RBM44: variants seen among roughly 807,000 people sequenced by gnomAD.
RBM44 encodes the protein RNA-binding protein 44.
A neutral mutation model predicts 105.1 loss-of-function variants in RBM44; 66 were observed. The observed-to-expected ratio is 0.63, with a 90% confidence interval of 0.52 to 0.77. The LOEUF is 0.77. RBM44 is among the 30% of genes least tolerant of loss of function. The pLI is 0.00. For synonymous variants in RBM44, 365 were observed against 417.6 expected (o/e 0.87, Z 1.54); for missense variants, 1,122 against 1,207.8 (o/e 0.93, Z 1.05).
At chr2:237,808,489 A>G (rs1343124225) in intron 1 of RBM44, among the ~76,000 whole-genome samples, 2 of 151,976 alleles carry the variant, frequency 1.3e-5, no homozygotes, top group Non-Finnish European at 2.9e-5. Flanking sequence ...CAGAAAAAAA[A>G]AAAAACTAGG....
intron 1 of RBM44, among the ~76,000 whole-genome samples, chr2:237,809,290 G>GT (rs1244073249): frequency 1.3e-5 from 2 of 151,888 alleles, no homozygotes; most frequent in African/African-American, 4.8e-5. Flanking sequence ...TTACCTCTTT[G>GT]TTTGCAATAA....
At position 237,821,134 on chromosome 2, in the gene RBM44, C is replaced by G. The variant is rs2061783266; in HGVS notation, c.1977C>G (p.Asp659Glu). 1 of 1,611,078 alleles carries G rather than the reference C, an allele frequency of 6.2e-7. No homozygotes were observed. The highest frequency in any genetic ancestry group is 1.1e-5 in the South Asian group (1 of 90,612). The change falls in exon 6 of 16, where the codon GAC becomes GAG. Residue 659 changes from aspartate to glutamate, a missense_variant. Transcript: ENST00000316997. Reference protein sequence around the residue: ...LGSALLSLLGDLKVRYVTLKE... With the variant: ...LGSALLSLLGELKVRYVTLKE... ...CAGCACTACTGTCTCTTTTGGGGGACTTAAAAGTTAGATATGTGACTTTGA... is the reference window on the plus strand; with the variant it reads ...CAGCACTACTGTCTCTTTTGGGGGAGTTAAAAGTTAGATATGTGACTTTGA...
At position 237,803,532 on chromosome 2, in the gene RBM44, C is replaced by T. The variant is rs11676396; in HGVS notation, c.-19+4671C>T. On this transcript the variant is annotated intron_variant, in intron 1 of 15. Transcript: ENST00000316997. The surrounding 1 kb of genome is among the most constrained non-coding windows in gnomAD (Gnocchi z 4.2). ...ATTTATGTAATCTGAATAAGCGTCTCCTTTTGGATATATGGATTGTGAATA... is the reference window on the plus strand; with the variant it reads ...ATTTATGTAATCTGAATAAGCGTCTTCTTTTGGATATATGGATTGTGAATA... 0.21 allele frequency among the ~76,000 whole-genome samples: 32,651 copies of T among 152,016 alleles called. 4,548 individuals are homozygous for T. The highest frequency in any genetic ancestry group is 0.4 in the African/African-American group (16,701 of 41,404).
At chr2:237,801,460 G>C (rs1349452238) in intron 1 of RBM44, among the ~76,000 whole-genome samples, 1 of 152,130 alleles carries the variant, frequency 6.6e-6, no homozygotes, top group African/African-American at 2.4e-5. Flanking sequence ...AAGTAGCTGG[G>C]AACACAGGCT....
At position 237,834,033 on chromosome 2, in the gene RBM44, A is replaced by G; in HGVS notation, c.2923A>G (p.Lys975Glu). 6.4e-7 allele frequency: 1 copy of G among 1,564,474 alleles called. No homozygotes were observed. Among genetic ancestry groups the G allele is most frequent in the Admixed American group, 1.9e-5 (1 of 53,306 alleles). Residue 975 changes from lysine (K) to glutamate (E), a missense_variant, in exon 14 of 16, where the codon AAA becomes GAA. By Grantham distance (56) the Lys-to-Glu change is moderately conservative. Around this residue, in one of 3 missense-constraint regions of RBM44, gnomAD observed 194 missense variants for 225.5 expected, o/e 0.86. Coordinates refer to ENST00000316997, the MANE Select transcript of RBM44 (RefSeq NM_001080504.3). ...KKNCKQIESAKLLPDTPVQFI... is the reference protein window; with the variant it reads ...KKNCKQIESAELLPDTPVQFI... ...GAATTGTAAGCAGATTGAATCTGCT[A>G]AATTATTACCTGATACACCCGTTCA...
chr2:237,804,269 A>G (rs1480362608), intron 1 of RBM44, among the ~76,000 whole-genome samples: 3 of 152,332 alleles, frequency 2.0e-5, no homozygotes, highest in East Asian at 3.9e-4. Flanking sequence ...GTACAAGTGC[A>G]TGTGTCTTTT....
Position 237,818,724 on chromosome 2 carries a change from A to G in RBM44, c.1677+128A>G, listed in dbSNP as rs2061750382. On this transcript the variant is annotated intron_variant, in intron 3 of 15. Coordinates refer to ENST00000316997, the MANE Select transcript of RBM44 (RefSeq NM_001080504.3). This position sits in a 1 kb window ranked among gnomAD's most constrained non-coding sequence, Gnocchi z 4.6. ...ATGCTAGATGAGGGGAGTAAATTAA[A>G]AAGGGAGTAAATTAAAAAGTAAATT... 4.3e-6 allele frequency: 3 copies of G among 703,994 alleles called. No homozygotes were observed. Among genetic ancestry groups the G allele is most frequent in the Non-Finnish European group, 6.8e-6 (3 of 440,498 alleles). The allele number at this position is 703,994 out of a possible 1,614,324, so 43.6% of individuals were successfully genotyped here.
At position 237,818,253 on chromosome 2, in the gene RBM44, A is replaced by G. The variant is rs373510955; in HGVS notation, c.1334A>G (p.Asn445Ser). Residue 445 changes from asparagine (N) to serine (S), a missense_variant, in exon 3 of 16, where the codon AAT becomes AGT. Physicochemically the swap from Asn to Ser is conservative, Grantham distance 46 (BLOSUM62 1). Transcript: ENST00000316997. The surrounding 1 kb of genome is among the most constrained non-coding windows in gnomAD (Gnocchi z 4.6). ...ACCACAAAGAAAACATGCTTTCACA[A>G]TATAGGAGAAATGTGTACTAAATCA... ...SSTTKKTCFH[N>S]IGEMCTKSLT... is the part of the protein sequence containing the mutation. The G allele has an allele frequency of 1.6e-4, 261 of 1,613,076 alleles. No homozygotes were observed. The highest frequency in any genetic ancestry group is 2.0e-4 in the Non-Finnish European group (241 of 1,179,434).
At chr2:237,823,418 T>TTTTTATTA in intron 8 of RBM44, 22 bp from the exon 9 acceptor site, 1 of 1,113,396 alleles carries the variant, frequency 9.0e-7, no homozygotes, top group Non-Finnish European at 1.3e-6. Flanking sequence ...TTATTTATTG[T>TTTTTATTA]TTTTATTATC....
rs1033811904 is a variant in RBM44, at chr2:237,842,748, T to C, written c.*932T>C. 7 of 152,152 alleles carry C rather than the reference T, an allele frequency of 4.6e-5. No homozygotes were observed. Among genetic ancestry groups the C allele is most frequent in the African/African-American group, 1.7e-4 (7 of 41,470 alleles). The allele number at this position is 152,152 out of a possible 1,614,324, so 9.4% of individuals were successfully genotyped here. A position where few individuals can be genotyped will look rare whatever the true frequency, so the allele number is the denominator to read the frequency against. Reference sequence around the variant, plus strand: ...TAGTTGGATTTACTTGACTAAAAATTAGCCCTTTAACGTTTATATTTGTTG... The same window carrying C: ...TAGTTGGATTTACTTGACTAAAAATCAGCCCTTTAACGTTTATATTTGTTG... On this transcript the variant is annotated 3_prime_UTR_variant, in exon 16 of 16. Coordinates refer to ENST00000316997, the MANE Select transcript of RBM44 (RefSeq NM_001080504.3).
At chr2:237,826,217 A>G (rs2061846443) in intron 10 of RBM44, among the ~76,000 whole-genome samples, 1 of 152,122 alleles carries the variant, frequency 6.6e-6, no homozygotes, top group Non-Finnish European at 1.5e-5. Flanking sequence ...AAAATTATAA[A>G]GCATATAAAT....
chr2:237,818,643 C>A lies in RBM44; in HGVS notation c.1677+47C>A. 7.8e-7 allele frequency: 1 copy of A among 1,284,028 alleles called. No homozygotes were observed. The allele number at this position is 1,284,028 out of a possible 1,614,324, so 79.5% of individuals were successfully genotyped here. A position where few individuals can be genotyped will look rare whatever the true frequency, so the allele number is the denominator to read the frequency against. On this transcript the variant is annotated intron_variant, in intron 3 of 15. Coordinates refer to ENST00000316997, the MANE Select transcript of RBM44 (RefSeq NM_001080504.3). This position sits in a 1 kb window ranked among gnomAD's most constrained non-coding sequence, Gnocchi z 4.6. ...ATAAAATTTGGACTTTATAAAGAGA[C>A]AGTGTATGCTAATGTAAGTGTTTTT...
chr2:237,834,030 G>A lies in RBM44; in HGVS notation c.2920G>A (p.Ala974Thr). The A allele has an allele frequency of 6.4e-7, 1 of 1,563,510 alleles. No homozygotes were observed. Among genetic ancestry groups the A allele is most frequent in the Non-Finnish European group, 8.7e-7 (1 of 1,152,050 alleles). The change falls in exon 14 of 16, where the codon GCT (alanine) becomes ACT (threonine). Residue 974 changes from alanine to threonine, a missense_variant. Coordinates refer to ENST00000316997, the MANE Select transcript of RBM44 (RefSeq NM_001080504.3). Reference protein sequence around the residue: ...VKKNCKQIESAKLLPDTPVQF... With the variant: ...VKKNCKQIESTKLLPDTPVQF... ...GAAGAATTGTAAGCAGATTGAATCT[G>A]CTAAATTATTACCTGATACACCCGT... is the stretch of plus-strand genomic sequence containing the variant.
intron 10 of RBM44, among the ~76,000 whole-genome samples, chr2:237,825,355 G>C (rs1029415770): frequency 5.5e-4 from 83 of 151,924 alleles, no homozygotes; most frequent in African/African-American, 1.9e-3. Context: ...ACAGGTGCCC[G>C]CCACAACACC....
At position 237,820,309 on chromosome 2, in the gene RBM44, A is replaced by G. The variant is rs772083499; in HGVS notation, c.1871A>G (p.Asp624Gly). 6.3e-6 allele frequency: 10 copies of G among 1,599,560 alleles called. No individual in the cohort carries two copies. The highest frequency in any genetic ancestry group is 7.7e-6 in the Non-Finnish European group (9 of 1,172,898). The change falls in exon 5 of 16, where the codon GAT becomes GGT. Residue 624 changes from aspartate to glycine, a missense_variant. By Grantham distance (94) the Asp-to-Gly change is moderately conservative. Transcript: ENST00000316997. ...CAGATGTGTCGTCGCCATTGTTGTG[A>G]TATTTACAAACTTGTCATGGAAAAT... ...HYQMCRRHCC[D>G]IYKLVMENRE...
At chr2:237,815,158 T>A (rs2061701941) in intron 2 of RBM44, among the ~76,000 whole-genome samples, 1 of 152,140 alleles carries the variant, frequency 6.6e-6, no homozygotes, top group Non-Finnish European at 1.5e-5. Context: ...AAATAATTTT[T>A]AAAAATTAAA....
intron 1 of RBM44, among the ~76,000 whole-genome samples, chr2:237,807,426 G>A (rs527426073): frequency 4.6e-5 from 7 of 152,254 alleles, no homozygotes; most frequent in South Asian, 2.1e-4. Context: ...TGAGATTACC[G>A]GCCTGAGCCA....
rs977175372 is a variant in RBM44 at position 237,817,927 on chromosome 2, T to C, written c.1008T>C (p.Asn336=). ...IYTENMKSQI[N]EGKDFCGNKI... ...CTGAAAACATGAAATCTCAAATAAA[T>C]GAAGGTAAAGATTTTTGTGGAAATA... Residue 336 remains asparagine (N), a synonymous_variant, in exon 3 of 16, where the codon AAT becomes AAC. Coordinates refer to ENST00000316997, the MANE Select transcript of RBM44 (RefSeq NM_001080504.3). 5 of 1,599,074 alleles carry C rather than the reference T, an allele frequency of 3.1e-6. No individual in the cohort carries two copies. Among genetic ancestry groups the C allele is most frequent in the Non-Finnish European group, 3.4e-6 (4 of 1,175,286 alleles).
In RBM44 at chr2:237,821,768, G is replaced by A. The variant is rs746985500; in HGVS notation, c.2146G>A (p.Asp716Asn). 1.2e-6 allele frequency: 2 copies of A among 1,610,972 alleles called. No homozygotes were observed. The highest frequency in any genetic ancestry group is 1.7e-6 in the Non-Finnish European group (2 of 1,177,966). The change falls in exon 8 of 16, where the codon GAT (aspartate) becomes AAT (asparagine). Residue 716 changes from aspartate to asparagine, a missense_variant. Asp to Asn is a conservative substitution (Grantham distance 23). Coordinates refer to ENST00000316997, the MANE Select transcript of RBM44 (RefSeq NM_001080504.3). ...CTTTTCAGAAGCAGATGCTGAACAA[G>A]ATAATCAGAGGGCTCATGATGTTGA... ...HVFSEADAEQ[D>N]NQRAHDVDVS...
Sources: gnomAD v4.1 joint callset for allele counts (sites outside exome capture counted in the v4.1 genomes callset) on GRCh38, gnomAD v4.1.1 for gene constraint, gnomAD v4.1.1 regional missense constraint, Gnocchi (gnomAD v3.1) non-coding constraint, MANE v1.5 for transcripts, NCBI Gene and HGNC (gene_info 2026-07-23, HGNC 2026-07-21) for gene names.